GBE1: variants seen among roughly 807,000 people sequenced by gnomAD.
GBE1 encodes 1,4-alpha-glucan-branching enzyme.
GBE1 carries 70 observed loss-of-function variants against 88.8 expected under a neutral mutation model. That is an observed-to-expected ratio of 0.79 (90% CI 0.65 to 0.96). GBE1 has a LOEUF of 0.96. Among genes scored for constraint, GBE1 ranks in the 40% least tolerant of loss-of-function variants. The pLI is 0.00. For missense variants in GBE1, 872 were observed against 871.0 expected (o/e 1.00, Z -0.01); for synonymous variants, 284 against 300.1 (o/e 0.95, Z 0.56).
At chr3:81,514,898 A>G (rs1702776261) in intron 14 of GBE1, among the ~76,000 whole-genome samples, 1 of 151,618 alleles carries the variant, frequency 6.6e-6, no homozygotes, top group Non-Finnish European at 1.5e-5. Context: ...CAGAAGGAAA[A>G]GTAATATAAC....
chr3:81,550,649 G>T (rs925891080), intron 12 of GBE1, among the ~76,000 whole-genome samples: 3 of 152,132 alleles, frequency 2.0e-5, no homozygotes, highest in Admixed American at 2.0e-4. Flanking sequence ...CAGGATGCAG[G>T]AAAGAAGCCA....
At chr3:81,551,232 T>C (rs181772427) in intron 12 of GBE1, among the ~76,000 whole-genome samples, 1 of 152,338 alleles carries the variant, frequency 6.6e-6, no homozygotes, top group East Asian at 1.9e-4. Flanking sequence ...AATTGCTTAA[T>C]ATACATCAGC....
chr3:81,653,510 A>G (rs1305060896), intron 3 of GBE1, among the ~76,000 whole-genome samples: 3 of 152,084 alleles, frequency 2.0e-5, no homozygotes, highest in Non-Finnish European at 2.9e-5. Context: ...AGCTAAAAGA[A>G]AAAAGTAACT....
intron 14 of GBE1, among the ~76,000 whole-genome samples, chr3:81,533,286 G>A (rs1703032891): frequency 6.6e-6 from 1 of 152,066 alleles, no homozygotes; most frequent in South Asian, 2.1e-4. Context: ...GAAATGAAGA[G>A]GACATTTGTT....
rs567255609 is a variant in GBE1, at chr3:81,619,394, T to C, written c.992+23387A>G. On this transcript the variant is annotated intron_variant, in intron 7 of 15. Coordinates refer to ENST00000429644, the MANE Select transcript of GBE1 (RefSeq NM_000158.4). ...CTGCTATATCTATCCATGTTGAAAT[T>C]AGAATAAAAAGAAACATATTTCACA... 7.2e-5 allele frequency among the ~76,000 whole-genome samples: 11 copies of C among 152,258 alleles called. No individual in the cohort carries two copies. In the South Asian group the frequency reaches 2.1e-3, roughly 29 times the overall value.
At chr3:81,726,730 C>T (rs961479459) in intron 1 of GBE1, among the ~76,000 whole-genome samples, 3 of 151,838 alleles carry the variant, frequency 2.0e-5, no homozygotes, top group East Asian at 3.9e-4. Context: ...TACAGGCATG[C>T]GCCACCATGC....
intron 7 of GBE1, among the ~76,000 whole-genome samples, chr3:81,611,492 C>A (rs898510801): frequency 6.6e-6 from 1 of 152,110 alleles, no homozygotes. Context: ...GTGATTGGAT[C>A]GGCTTTGTGA....
At chr3:81,564,862 T>TG (rs1703470851) in intron 12 of GBE1, among the ~76,000 whole-genome samples, 1 of 152,150 alleles carries the variant, frequency 6.6e-6, no homozygotes, top group East Asian at 1.9e-4. Flanking sequence ...GATCTCTATG[T>TG]TATACTTTCA....
chr3:81,698,414 G>A (rs776192158), intron 2 of GBE1, among the ~76,000 whole-genome samples: 2 of 151,998 alleles, frequency 1.3e-5, no homozygotes, highest in East Asian at 1.9e-4. Flanking sequence ...CCAATGCAAC[G>A]TTTATAATTC....
chr3:81,630,457 C>T (rs1704491155), intron 7 of GBE1, among the ~76,000 whole-genome samples: 1 of 152,116 alleles, frequency 6.6e-6, no homozygotes, highest in African/African-American at 2.4e-5. Context: ...CCAAGTCAAT[C>T]CTAAGCCAAA....
intron 10 of GBE1, among the ~76,000 whole-genome samples, chr3:81,582,251 C>CT (rs1400894316): frequency 2.0e-5 from 3 of 152,078 alleles, no homozygotes; most frequent in African/African-American, 7.2e-5. Flanking sequence ...TAGATGTTCA[C>CT]AACCTAATCC....
At chr3:81,561,344 G>A (rs1444814558) in intron 12 of GBE1, among the ~76,000 whole-genome samples, 3 of 151,992 alleles carry the variant, frequency 2.0e-5, no homozygotes, top group Admixed American at 6.6e-5. Flanking sequence ...ATATGAATAT[G>A]CAGTAAAAAT....
At chr3:81,759,505 A>C (rs1706650827) in intron 1 of GBE1, among the ~76,000 whole-genome samples, 2 of 152,238 alleles carry the variant, frequency 1.3e-5, no homozygotes, top group Non-Finnish European at 2.9e-5. Context: ...ATGAAGGAAA[A>C]ATGTTTTATT....
intron 14 of GBE1, among the ~76,000 whole-genome samples, chr3:81,512,527 G>A (rs1274502595): frequency 6.6e-6 from 1 of 151,588 alleles, no homozygotes; most frequent in Non-Finnish European, 1.5e-5. Context: ...AATATAAATA[G>A]AGAAAAAAAC....
At chr3:81,602,423 AAAC>A (rs1704045793) in intron 7 of GBE1, among the ~76,000 whole-genome samples, 1 of 152,196 alleles carries the variant, frequency 6.6e-6, no homozygotes, top group African/African-American at 2.4e-5. Context: ...AGTAGGTTAT[AAAC>A]AACAAAAATT....
In GBE1 at chr3:81,549,053, T is replaced by C. The variant is rs1039419695; in HGVS notation, c.1619-11958A>G. On this transcript the variant is annotated intron_variant, in intron 12 of 15. Transcript: ENST00000429644. ...TTCTTTTTTTTTTTTTTTTTTCAGATGGAGTCTTGCTCTGTCACCTAGGCT... is the reference window on the plus strand; with the variant it reads ...TTCTTTTTTTTTTTTTTTTTTCAGACGGAGTCTTGCTCTGTCACCTAGGCT... 3.5e-5 allele frequency among the ~76,000 whole-genome samples: 5 copies of C among 142,856 alleles called. 1 individual carries two copies. Among genetic ancestry groups the C allele is most frequent in the Non-Finnish European group, 7.7e-5 (5 of 65,238 alleles). The allele number at this position is 142,856 out of a possible 152,430, so 93.7% of individuals were successfully genotyped here. A position where few individuals can be genotyped will look rare whatever the true frequency, so the allele number is the denominator to read the frequency against.
At chr3:81,531,506 T>G (rs1559635998) in intron 14 of GBE1, among the ~76,000 whole-genome samples, 2 of 151,946 alleles carry the variant, frequency 1.3e-5, no homozygotes, top group Non-Finnish European at 2.9e-5. Flanking sequence ...ACTGTTGATG[T>G]TTACTCAAGG....
At chr3:81,627,469 C>T (rs951222727) in intron 7 of GBE1, among the ~76,000 whole-genome samples, 6 of 152,000 alleles carry the variant, frequency 3.9e-5, no homozygotes, top group African/African-American at 1.4e-4. Flanking sequence ...AAAACACATA[C>T]TCACATGGAA....
At chr3:81,653,446 A>G (rs1704879783) in intron 3 of GBE1, among the ~76,000 whole-genome samples, 1 of 152,168 alleles carries the variant, frequency 6.6e-6, no homozygotes, top group South Asian at 2.1e-4. Flanking sequence ...TGATCATGAC[A>G]CTGCACTCCA....
Sources: gnomAD v4.1 joint callset for allele counts (sites outside exome capture counted in the v4.1 genomes callset) on GRCh38, gnomAD v4.1.1 for gene constraint, MANE v1.5 for transcripts, NCBI Gene and HGNC (gene_info 2026-07-23, HGNC 2026-07-21) for gene names.